The following MKLN1 variants were observed in gnomAD, a reference collection of about 807,000 sequenced individuals.
MKLN1 encodes muskelin.
Under a neutral mutation model 99.0 loss-of-function variants are expected in MKLN1, and 18 were observed. The observed-to-expected ratio is 0.18, with a 90% CI of 0.13 to 0.27. The LOEUF (loss-of-function observed/expected upper bound fraction) is 0.27. Ranked by LOEUF, MKLN1 falls within the 10% of genes least tolerant of loss-of-function variation. MKLN1 has a pLI of 1.00. For synonymous variants in MKLN1, 288 were observed against 293.2 expected (o/e 0.98, Z 0.18); for missense variants, 621 against 875.9 (o/e 0.71, Z 3.67).
intron 1 of MKLN1, among the ~76,000 whole-genome samples, chr7:131,369,754 C>T (rs1007646154): frequency 6.6e-6 from 1 of 152,080 alleles, no homozygotes; most frequent in African/African-American, 2.4e-5. Context: ...TGTTTCTTGG[C>T]AAAAAGATAC....
chr7:131,274,957 A>G (rs913104986), intron 3 of MKLN1, among the ~76,000 whole-genome samples: 3 of 152,218 alleles, frequency 2.0e-5, no homozygotes, highest in Non-Finnish European at 4.4e-5. Flanking sequence ...AGAAGATCTC[A>G]TTAGTAACAT....
chr7:131,414,882 G>A (rs1303949387), intron 8 of MKLN1, among the ~76,000 whole-genome samples, 172 bp downstream of exon 8: 1 of 152,060 alleles, frequency 6.6e-6, no homozygotes, highest in African/African-American at 2.4e-5. Context: ...GTATGTGTGT[G>A]TATGTGTCTA....
chr7:131,152,504 T>A (rs1000735588), intron 2 of MKLN1, among the ~76,000 whole-genome samples: 1 of 147,534 alleles, frequency 6.8e-6, no homozygotes, highest in Non-Finnish European at 1.5e-5. Context: ...TTTTTTTCTT[T>A]TTTTTTTTTT....
Position 131,188,174 on chromosome 7 carries a change from A to C in MKLN1, c.-296-14683A>C, listed in dbSNP as rs142130214. Among the ~76,000 whole-genome samples the C allele has an allele frequency of 3.9e-5, 6 of 152,320 alleles. No homozygotes were observed. In the East Asian group the frequency reaches 1.2e-3, roughly 29 times the overall value. On this transcript the variant is annotated intron_variant, in intron 2 of 7. Coordinates refer to the MKLN1 transcript ENST00000416992. Reference sequence around the variant, plus strand: ...ATAAAGTGTGTGATAAACATGAATAAATAAATAAACATAGTTTCTACGATT... The same window carrying C: ...ATAAAGTGTGTGATAAACATGAATACATAAATAAACATAGTTTCTACGATT...
At chr7:131,412,784 A>C (rs1288843824) in intron 7 of MKLN1, among the ~76,000 whole-genome samples, 1 of 152,174 alleles carries the variant, frequency 6.6e-6, no homozygotes, top group Admixed American at 6.5e-5. Flanking sequence ...AGTTCTATGG[A>C]TACTGAGCTT....
intron 6 of MKLN1, among the ~76,000 whole-genome samples, chr7:131,411,061 C>T (rs184869196): frequency 1.7e-4 from 26 of 152,084 alleles, no homozygotes; most frequent in African/African-American, 5.8e-4. Context: ...AAACATAGTA[C>T]GTTTAATATG....
chr7:131,220,046 C>T (rs1459902409), intron 3 of MKLN1, among the ~76,000 whole-genome samples: 1 of 152,158 alleles, frequency 6.6e-6, no homozygotes, highest in Non-Finnish European at 1.5e-5. Flanking sequence ...CACCTCCAAT[C>T]TCTACCAAAG....
At chr7:131,443,766 GT>G in intron 11 of MKLN1, 64 bp downstream of exon 11, 1 of 1,225,318 alleles carries the variant, frequency 8.2e-7, no homozygotes, top group East Asian at 2.3e-5. Context: ...AGGAAAAGAA[GT>G]GGTGAAATCT....
chr7:131,359,175 T>G (rs1446540713), intron 1 of MKLN1, among the ~76,000 whole-genome samples: 2 of 152,202 alleles, frequency 1.3e-5, no homozygotes, highest in African/African-American at 4.8e-5. Context: ...TTCTAAGCAT[T>G]CCTTTCACTG....
At chr7:131,247,232 TTTC>T (rs1797503365) in intron 3 of MKLN1, among the ~76,000 whole-genome samples, 1 of 107,518 alleles carries the variant, frequency 9.3e-6, no homozygotes, top group South Asian at 4.6e-4. Context: ...CTTTTTCTTT[TTTC>T]TTTTTTTTTT....
chr7:131,162,132 C>G (rs1458830439), intron 2 of MKLN1, among the ~76,000 whole-genome samples: 1 of 151,514 alleles, frequency 6.6e-6, no homozygotes, highest in Non-Finnish European at 1.5e-5. Flanking sequence ...CTCCTGAGTT[C>G]AAGCGATCCT....
chr7:131,479,176 T>C (rs971660464), intron 17 of MKLN1, among the ~76,000 whole-genome samples: 2 of 152,152 alleles, frequency 1.3e-5, no homozygotes, highest in African/African-American at 4.8e-5. Flanking sequence ...TGGTTGAAAC[T>C]CAAGTTTTTC....
intron 3 of MKLN1, among the ~76,000 whole-genome samples, chr7:131,300,181 A>C (rs564652950): frequency 6.6e-6 from 1 of 152,258 alleles, no homozygotes; most frequent in East Asian, 1.9e-4. Flanking sequence ...AAAGGAAAAT[A>C]AGACACAGAA....
chr7:131,181,313 T>A (rs536710111), intron 2 of MKLN1, among the ~76,000 whole-genome samples: 1 of 152,348 alleles, frequency 6.6e-6, no homozygotes, highest in South Asian at 2.1e-4. Context: ...AAAATTATTA[T>A]AGAAAACTAT....
chr7:131,399,541 G>T (rs1794469643), intron 6 of MKLN1, 108 bp downstream of exon 6: 27 of 907,092 alleles, frequency 3.0e-5, no homozygotes, highest in Admixed American at 1.5e-4. Context: ...TTTTTTCTTG[G>T]TTTTTTACTC....
intron 12 of MKLN1, among the ~76,000 whole-genome samples, chr7:131,447,244 T>C (rs970624266): frequency 6.6e-6 from 1 of 152,216 alleles, no homozygotes; most frequent in African/African-American, 2.4e-5. Context: ...GCTTAGCATG[T>C]GATTTAGAAA....
chr7:131,464,636 G>A (rs776495516), intron 14 of MKLN1, among the ~76,000 whole-genome samples: 1 of 152,128 alleles, frequency 6.6e-6, no homozygotes, highest in Non-Finnish European at 1.5e-5. Context: ...TTTGAAAATA[G>A]TCAGTGGCAG....
intron 1 of MKLN1, among the ~76,000 whole-genome samples, chr7:131,330,424 T>C (rs1302795097): frequency 6.6e-6 from 1 of 152,226 alleles, no homozygotes; most frequent in East Asian, 1.9e-4. Context: ...GGCTCTCTTA[T>C]GAACATTTTT....
intron 12 of MKLN1, among the ~76,000 whole-genome samples, chr7:131,451,947 A>G (rs1297738260): frequency 1.3e-5 from 2 of 152,256 alleles, no homozygotes; most frequent in East Asian, 1.9e-4. Context: ...GAAGAAGCAT[A>G]TATTGAACCT....
Sources: allele counts gnomAD v4.1 joint callset (sites outside exome capture counted in the v4.1 genomes callset), GRCh38; gene constraint gnomAD v4.1.1; transcripts MANE v1.5; gene names NCBI Gene and HGNC (gene_info 2026-07-23, HGNC 2026-07-21).